The following LIG1 variants were observed in gnomAD, a reference collection of about 807,000 sequenced individuals.
LIG1 encodes DNA ligase 1.
Under a neutral mutation model 115.7 loss-of-function variants are expected in LIG1, and 70 were observed. The observed-to-expected ratio is 0.60, with a 90% confidence interval of 0.50 to 0.74. The LOEUF (loss-of-function observed/expected upper bound fraction) is 0.74. Ranked by LOEUF, LIG1 falls within the 30% of genes least tolerant of loss-of-function variation. The probability of loss-of-function intolerance (pLI) is 0.00; values close to 1 mark genes in which losing one functional copy is unlikely to be tolerated. For missense variants in LIG1, 1,115 were observed against 1,225.6 expected, an observed-to-expected ratio of 0.91 and a Z score of 1.35; for synonymous variants, 487 against 495.3, an observed-to-expected ratio of 0.98 and a Z score of 0.22.
chr19:48,126,341 C>A (rs2033666609), intron 21 of LIG1, among the ~76,000 whole-genome samples: 1 of 152,106 alleles, frequency 6.6e-6, no homozygotes, highest in African/African-American at 2.4e-5. Context: ...CGTGGTGGTT[C>A]ACGCCTGTAA....
intron 11 of LIG1, among the ~76,000 whole-genome samples, chr19:48,141,649 AC>A (rs1285115731): frequency 2.0e-5 from 3 of 152,090 alleles, no homozygotes; most frequent in African/African-American, 7.2e-5. Context: ...TAAAACGAAA[AC>A]CGTGTTTCTG....
intron 19 of LIG1, among the ~76,000 whole-genome samples, chr19:48,129,792 G>A (rs938097618): frequency 8.5e-5 from 13 of 152,280 alleles, no homozygotes; most frequent in African/African-American, 2.9e-4. Context: ...GAGTCTTACT[G>A]TCACCCAGGC....
At chr19:48,144,139 A>C (rs1343252724) in intron 9 of LIG1, among the ~76,000 whole-genome samples, 176 bp from the exon 10 acceptor site, 1 of 152,198 alleles carries the variant, frequency 6.6e-6, no homozygotes, top group Non-Finnish European at 1.5e-5. Context: ...AAAGTGGGCA[A>C]AAAGCCCCCA....
At position 48,137,813 on chromosome 19, in the gene LIG1, T is replaced by C; in HGVS notation, c.1088-125A>G. The stretch of plus-strand genomic sequence containing the variant: ...CTTGTGGCGAGTCCCTGCACCTCCC[T>C]GTGTCTAACGCTCACCCACTTGGTA... On this transcript the variant is annotated intron_variant, in intron 12 of 27. Coordinates refer to ENST00000263274, the MANE Select transcript of LIG1 (RefSeq NM_000234.3). This position sits in a 1 kb window ranked among gnomAD's most constrained non-coding sequence, Gnocchi z 4.3. 5 of 1,201,998 alleles carry C rather than the reference T, an allele frequency of 4.2e-6. No individual in the cohort carries two copies. Among genetic ancestry groups the C allele is most frequent in the South Asian group, 4.0e-5 (3 of 74,368 alleles). 74.5% of individuals were successfully genotyped at this position (1,201,998 alleles called of 1,614,324 possible). A position where few individuals can be genotyped will look rare whatever the true frequency, so the allele number is the denominator to read the frequency against.
rs36027045 is a variant in LIG1 at position 48,163,944 on chromosome 19, CAA to C, written c.18-1595_18-1594del. On this transcript the variant is annotated intron_variant, in intron 2 of 27. Transcript: ENST00000263274. Reference sequence around the variant, plus strand: ...TGGGCGACAGAGCAAGACTCTGTCTCAAAAAAAAAAAAAAAAAAAATGTTGGA... The same window carrying C: ...TGGGCGACAGAGCAAGACTCTGTCTCAAAAAAAAAAAAAAAAAATGTTGGA... Among the ~76,000 whole-genome samples, 358 of 83,120 alleles carry C rather than the reference CAA, an allele frequency of 4.3e-3. 5 individuals are homozygous for C. The highest frequency in any genetic ancestry group is 0.032 in the Admixed American group (240 of 7,500). 54.5% of individuals were successfully genotyped at this position (83,120 alleles called of 152,430 possible).
intron 17 of LIG1, 66 bp from the exon 18 acceptor site, chr19:48,133,163 G>A (rs2034155036): frequency 1.9e-6 from 2 of 1,047,620 alleles, no homozygotes; most frequent in Non-Finnish European, 3.0e-6. Context: ...AACATGGAGA[G>A]GAGAACTGCT....
At chr19:48,146,620 C>CG (rs1256225569) in intron 9 of LIG1, among the ~76,000 whole-genome samples, 2 of 152,124 alleles carry the variant, frequency 1.3e-5, no homozygotes, top group Non-Finnish European at 2.9e-5. Flanking sequence ...GTGGAGGTCG[C>CG]GGTGAGCTGA....
intron 4 of LIG1, among the ~76,000 whole-genome samples, chr19:48,157,927 C>A (rs962483093): frequency 6.6e-6 from 1 of 152,138 alleles, no homozygotes; most frequent in South Asian, 2.1e-4. Context: ...TATGACCTGG[C>A]GGGAGGCATT....
At chr19:48,130,927 G>C in intron 19 of LIG1, 149 bp downstream of exon 19, 1 of 693,216 alleles carries the variant, frequency 1.4e-6, no homozygotes, top group Non-Finnish European at 2.6e-6. Flanking sequence ...CACCACGCAG[G>C]ACTGAGTGCT....
chr19:48,118,740 A>T (rs1430250414), intron 25 of LIG1, among the ~76,000 whole-genome samples: 1 of 152,136 alleles, frequency 6.6e-6, no homozygotes, highest in Non-Finnish European at 1.5e-5. Flanking sequence ...TATGAGTATG[A>T]AAATAAACTA....
intron 21 of LIG1, among the ~76,000 whole-genome samples, chr19:48,125,202 A>G (rs374639816): frequency 3.9e-5 from 6 of 152,234 alleles, no homozygotes; most frequent in Non-Finnish European, 5.9e-5. Context: ...ATTTGAAGGA[A>G]TGAGAAGAAA....
chr19:48,125,848 C>A (rs1014746348), intron 21 of LIG1, among the ~76,000 whole-genome samples: 1 of 151,852 alleles, frequency 6.6e-6, no homozygotes, highest in Admixed American at 6.6e-5. Flanking sequence ...ATTCGCCAGG[C>A]GTGGTGGTGC....
chr19:48,143,164 A>C (rs1363031479), intron 11 of LIG1, among the ~76,000 whole-genome samples: 2 of 152,196 alleles, frequency 1.3e-5, no homozygotes, highest in Non-Finnish European at 2.9e-5. Flanking sequence ...GGTCCTCGCT[A>C]TAACTGAGAC....
intron 7 of LIG1, 147 bp downstream of exon 7, chr19:48,151,085 A>T: frequency 1.7e-6 from 1 of 590,536 alleles, no homozygotes; most frequent in Non-Finnish European, 3.1e-6. Context: ...AAAAAACCCG[A>T]GTAATAAAAA....
intron 9 of LIG1, among the ~76,000 whole-genome samples, chr19:48,145,034 A>G (rs2035031049): frequency 6.6e-6 from 1 of 152,146 alleles, no homozygotes; most frequent in Non-Finnish European, 1.5e-5. Context: ...CAGCTTCTTG[A>G]GTAGCTAGGA....
intron 5 of LIG1, 74 bp from the exon 6 acceptor site, chr19:48,154,041 C>T: frequency 8.1e-7 from 1 of 1,231,970 alleles, no homozygotes; most frequent in Non-Finnish European, 1.2e-6. Flanking sequence ...CTCACACCCA[C>T]TGATGTAGCC....
chr19:48,133,594 T>A (rs2034181825), intron 17 of LIG1: 3 of 329,450 alleles, frequency 9.1e-6, no homozygotes, highest in African/African-American at 6.4e-5. Flanking sequence ...CCCACTGCCT[T>A]CTGGCCCATT....
At position 48,136,998 on chromosome 19, in the gene LIG1, A is replaced by C; in HGVS notation, c.1331+10T>G. The C allele has an allele frequency of 1.2e-6, 2 of 1,608,330 alleles. No homozygotes were observed. The highest frequency in any genetic ancestry group is 1.7e-6 in the Non-Finnish European group (2 of 1,177,056). The stretch of plus-strand genomic sequence containing the variant: ...TCCCCCTCTGTAGCCTCACAGGCCC[A>C]CACGCTTACCTAGCGATGAACCGGG... On this transcript the variant is annotated intron_variant, in intron 14 of 27. Transcript: ENST00000263274.
At chr19:48,136,150 G>T in intron 14 of LIG1, 25 bp from the exon 15 acceptor site, 1 of 1,539,550 alleles carries the variant, frequency 6.5e-7, no homozygotes, top group Non-Finnish European at 8.8e-7. Context: ...GGCCAGGGAA[G>T]GGGGCTTGTC....
Sources: gnomAD v4.1 joint callset for allele counts (sites outside exome capture counted in the v4.1 genomes callset) on GRCh38, gnomAD v4.1.1 for gene constraint, Gnocchi (gnomAD v3.1) non-coding constraint, MANE v1.5 for transcripts, NCBI Gene and HGNC (gene_info 2026-07-23, HGNC 2026-07-21) for gene names.